Variants in PAX5 observed in about 807,000 individuals in gnomAD.
PAX5 encodes the protein paired box protein Pax-5.
In PAX5, 9 loss-of-function variants were observed where a neutral mutation model predicts 43.7. That is an observed-to-expected ratio of 0.21 (90% CI 0.12 to 0.36). The LOEUF is 0.36. PAX5 is among the 10% of genes least tolerant of loss of function. The pLI, the probability that PAX5 is intolerant of heterozygous loss-of-function variation, is 1.00. For synonymous variants in PAX5, 228 were observed against 214.3 expected (o/e 1.06, Z -0.56); for missense variants, 383 against 532.7 (o/e 0.72, Z 2.77).
At chr9:36,891,975 T>C (rs532579170) in intron 7 of PAX5, among the ~76,000 whole-genome samples, 1 of 152,322 alleles carries the variant, frequency 6.6e-6, no homozygotes, top group Non-Finnish European at 1.5e-5. Context: ...AATACTGTGT[T>C]TCAATTTTGG....
chr9:36,973,537 C>G (rs1024904952), intron 5 of PAX5, among the ~76,000 whole-genome samples: 2 of 152,120 alleles, frequency 1.3e-5, no homozygotes, highest in South Asian at 4.2e-4. Flanking sequence ...AAGTAGACAC[C>G]CACCAAATTC....
chr9:36,967,370 C>G (rs1834532938), intron 5 of PAX5, among the ~76,000 whole-genome samples: 1 of 152,198 alleles, frequency 6.6e-6, no homozygotes. Context: ...TTTTACAGCT[C>G]AACTTACACA....
At chr9:36,960,838 C>A (rs2132159294) in intron 6 of PAX5, among the ~76,000 whole-genome samples, 1 of 152,342 alleles carries the variant, frequency 6.6e-6, no homozygotes, top group Middle Eastern at 3.4e-3. Context: ...TCCTCTCTTC[C>A]CACAGTCCTT....
rs968491641 is a variant in PAX5, at chr9:37,033,660, T to C, written c.46+326A>G. Among the ~76,000 whole-genome samples the C allele has an allele frequency of 7.2e-5, 11 of 151,944 alleles. No individual in the cohort carries two copies. The East Asian group carries it at 1.9e-3, about 27-fold the overall frequency. On this transcript the variant is annotated intron_variant, in intron 1 of 9. Transcript: ENST00000358127. ...CAACTTTTGGACACAAACTCATATA[T>C]TTTTACATCTTTTAAAAATACATAT...
intron 6 of PAX5, among the ~76,000 whole-genome samples, chr9:36,932,911 T>G (rs1831243088): frequency 6.6e-6 from 1 of 151,900 alleles, no homozygotes; most frequent in Admixed American, 6.6e-5. Flanking sequence ...ATTCCAGCAC[T>G]TTGGGAGGCT....
intron 1 of PAX5, chr9:37,026,385 C>T (rs1840372663): frequency 1.5e-6 from 1 of 646,538 alleles, no homozygotes; most frequent in Non-Finnish European, 2.3e-6. Flanking sequence ...TTTCAGGTCC[C>T]CTGCCTGGGA....
At chr9:36,960,139 A>G (rs1833835203) in intron 6 of PAX5, among the ~76,000 whole-genome samples, 1 of 152,246 alleles carries the variant, frequency 6.6e-6, no homozygotes, top group Non-Finnish European at 1.5e-5. Flanking sequence ...CAGGGCAGGC[A>G]GGACTCCTCC....
At chr9:36,912,147 C>A (rs528058468) in intron 7 of PAX5, among the ~76,000 whole-genome samples, 3 of 152,330 alleles carry the variant, frequency 2.0e-5, no homozygotes, top group Non-Finnish European at 2.9e-5. Context: ...GGAGAGCATC[C>A]CCACGTAGAG....
At chr9:36,947,726 A>T (rs7870256) in intron 6 of PAX5, among the ~76,000 whole-genome samples, 37,804 of 151,758 alleles carry the variant, frequency 0.25, 4,961 homozygotes, top group African/African-American at 0.34. Context: ...ATATATATAT[A>T]TTTTTAACAG....
intron 5 of PAX5, among the ~76,000 whole-genome samples, chr9:36,993,898 C>T (rs923610853): frequency 7.9e-5 from 12 of 152,274 alleles, no homozygotes; most frequent in African/African-American, 1.2e-4. Flanking sequence ...AGGGCTCTCC[C>T]GAACACCAGT....
chr9:36,944,347 CTG>C (rs1351970499), intron 6 of PAX5, among the ~76,000 whole-genome samples: 1 of 152,138 alleles, frequency 6.6e-6, no homozygotes, highest in Non-Finnish European at 1.5e-5. Flanking sequence ...GATGAAGAAA[CTG>C]TGACTTAGCA....
At chr9:37,001,485 C>T (rs945447853) in intron 5 of PAX5, among the ~76,000 whole-genome samples, 2 of 152,342 alleles carry the variant, frequency 1.3e-5, no homozygotes, top group Middle Eastern at 3.4e-3. Context: ...GAGTTAAAGA[C>T]GTCTGACATC....
At chr9:36,989,863 C>A (rs942031516) in intron 5 of PAX5, among the ~76,000 whole-genome samples, 3 of 152,194 alleles carry the variant, frequency 2.0e-5, no homozygotes, top group African/African-American at 7.2e-5. Context: ...TGAACCAGGC[C>A]CTGTGCTGGG....
At chr9:36,940,792 G>A (rs1348852992) in intron 6 of PAX5, among the ~76,000 whole-genome samples, 1 of 152,178 alleles carries the variant, frequency 6.6e-6, no homozygotes, top group Non-Finnish European at 1.5e-5. Context: ...CAAGGGCAGT[G>A]ATTTTCATCT....
rs370063069 is a variant in PAX5 at position 36,881,987 on chromosome 9, C to T, written c.1012+17G>A. On this transcript the variant is annotated intron_variant, in intron 8 of 9. Coordinates refer to ENST00000358127, the MANE Select transcript of PAX5 (RefSeq NM_016734.3). ...CGTCCGCTGCCTGCTGTGGAGACGC[C>T]GACAGTGCAAACTCACCAGGCACCA... The T allele has an allele frequency of 4.7e-5, 75 of 1,591,350 alleles. No individual in the cohort carries two copies. Among genetic ancestry groups the T allele is most frequent in the Middle Eastern group, 1.7e-4 (1 of 5,996 alleles).
chr9:37,026,804 C>G, intron 1 of PAX5: 1 of 809,572 alleles, frequency 1.2e-6, no homozygotes, highest in Non-Finnish European at 1.5e-6. Flanking sequence ...GAGCGGGTGC[C>G]CAACTCCGGC....
At chr9:36,901,256 A>G (rs1021394231) in intron 7 of PAX5, among the ~76,000 whole-genome samples, 3 of 151,154 alleles carry the variant, frequency 2.0e-5, no homozygotes, top group Non-Finnish European at 4.4e-5. Flanking sequence ...TGCTTTCTTC[A>G]CTCATCCTTT....
In PAX5 at chr9:36,911,899, C is replaced by T. The variant is rs376862552; in HGVS notation, c.910+11456G>A. Among the ~76,000 whole-genome samples the T allele has an allele frequency of 9.1e-4, 138 of 152,356 alleles. No homozygotes were observed. In the South Asian group the frequency reaches 0.025, roughly 27 times the overall value. On this transcript the variant is annotated intron_variant, in intron 7 of 9. Transcript: ENST00000358127. ...AGCCTGGGCTCCCCAGCCCTTGAGA[C>T]GCCCCAGGTCTGGAGTCCGTGGGTT...
chr9:36,988,205 G>A (rs114616999), intron 5 of PAX5, among the ~76,000 whole-genome samples: 3 of 152,146 alleles, frequency 2.0e-5, no homozygotes, highest in Admixed American at 6.5e-5. Flanking sequence ...CCAGTGTCGT[G>A]TCAGGCTCAC....
Sources: allele counts gnomAD v4.1 joint callset (sites outside exome capture counted in the v4.1 genomes callset), GRCh38; gene constraint gnomAD v4.1.1; transcripts MANE v1.5; gene names NCBI Gene and HGNC (gene_info 2026-07-23, HGNC 2026-07-21).